The following USH2A variants were observed in gnomAD, a reference collection of about 807,000 sequenced individuals.
The protein encoded by USH2A is Usher syndrome 2A (autosomal recessive, mild).
Under a neutral mutation model 538.9 loss-of-function variants are expected in USH2A, and 443 were observed. The observed-to-expected ratio is 0.82, with a 90% CI of 0.76 to 0.89. The LOEUF (loss-of-function observed/expected upper bound fraction) is 0.89. USH2A is among the 40% of genes least tolerant of loss of function. The probability of loss-of-function intolerance (pLI) is 0.00; values close to 1 mark genes in which losing one functional copy is unlikely to be tolerated. For synonymous variants in USH2A, 2,413 were observed against 2,273.5 expected (o/e 1.06, Z -1.75); for missense variants, 6,633 against 6,324.8 (o/e 1.05, Z -1.65).
chr1:215,965,369 A>T lies in USH2A; in HGVS notation c.7068T>A (p.Asn2356Lys). 1 of 1,613,936 alleles carries T rather than the reference A, an allele frequency of 6.2e-7. No individual in the cohort carries two copies. The highest frequency in any genetic ancestry group is 1.1e-5 in the South Asian group (1 of 91,080). ...HVRWEAPFRP[N>K]GLLTHSVLFT... is the part of the protein sequence containing the mutation. Reference sequence around the variant, plus strand: ...AAAGGACTGAGTGTGTTAAGAGTCCATTAGGGCGAAAAGGTGCTTCCCACC... The same window carrying T: ...AAAGGACTGAGTGTGTTAAGAGTCCTTTAGGGCGAAAAGGTGCTTCCCACC... The change falls in exon 37 of 72, where the codon AAT becomes AAA. Residue 2356 changes from asparagine to lysine, a missense_variant. Physicochemically the swap from Asn to Lys is moderately conservative, Grantham distance 94. Transcript: ENST00000307340.
intron 20 of USH2A, among the ~76,000 whole-genome samples, chr1:216,185,545 A>T (rs2034581931): frequency 6.6e-6 from 1 of 151,902 alleles, no homozygotes; most frequent in Admixed American, 6.6e-5. Context: ...GTTTCCATTG[A>T]TGTCTGATAA....
intron 14 of USH2A, among the ~76,000 whole-genome samples, chr1:216,225,227 C>T (rs2035538545): frequency 6.6e-6 from 1 of 151,592 alleles, no homozygotes; most frequent in Non-Finnish European, 1.5e-5. Flanking sequence ...AACCAGAAGT[C>T]AAAAAAAGAT....
intron 70 of USH2A, among the ~76,000 whole-genome samples, chr1:215,630,498 A>G (rs1404141873): frequency 5.3e-5 from 6 of 112,228 alleles, no homozygotes; most frequent in African/African-American, 1.3e-4. Context: ...ATATATATAT[A>G]TATATATATA....
intron 58 of USH2A, among the ~76,000 whole-genome samples, chr1:215,756,534 A>G (rs901803634): frequency 2.6e-5 from 4 of 152,176 alleles, no homozygotes; most frequent in Non-Finnish European, 5.9e-5. Flanking sequence ...TTTCTTGTCA[A>G]TAGGCTAAAT....
intron 3 of USH2A, among the ~76,000 whole-genome samples, chr1:216,397,605 C>T (rs1180090034): frequency 6.6e-6 from 1 of 152,200 alleles, no homozygotes; most frequent in Non-Finnish European, 1.5e-5. Flanking sequence ...TCTTCCAGTG[C>T]AGAATGCCCT....
chr1:216,044,845 C>A (rs1284113189), intron 32 of USH2A, among the ~76,000 whole-genome samples: 1 of 152,034 alleles, frequency 6.6e-6, no homozygotes, highest in African/African-American at 2.4e-5. Context: ...AAAATAATAC[C>A]TATGTTGTAG....
chr1:216,234,924 G>A (rs1330897461), intron 13 of USH2A, among the ~76,000 whole-genome samples: 1 of 152,018 alleles, frequency 6.6e-6, no homozygotes, highest in Non-Finnish European at 1.5e-5. Flanking sequence ...AGTGAAGGTA[G>A]GGCTTCCAGG....
intron 14 of USH2A, among the ~76,000 whole-genome samples, chr1:216,221,002 GTTT>G (rs1309964088): frequency 6.6e-6 from 1 of 152,106 alleles, no homozygotes; most frequent in East Asian, 1.9e-4. Flanking sequence ...ATTCGGCAGA[GTTT>G]TTTTGTTTGT....
At chr1:215,743,412 G>GTATATA (rs1397687417) in intron 58 of USH2A, 77 bp from the exon 59 acceptor site, 2 of 434,020 alleles carry the variant, frequency 4.6e-6, no homozygotes, top group Non-Finnish European at 7.2e-6. Context: ...GTGTGTGTGT[G>GTATATA]TGTGTATATA....
intron 15 of USH2A, among the ~76,000 whole-genome samples, chr1:216,210,792 C>T (rs544009595): frequency 6.9e-4 from 105 of 152,076 alleles, no homozygotes; most frequent in African/African-American, 2.2e-3. Context: ...ACCATCCTGG[C>T]CAACATGGTG....
At chr1:215,762,595 G>A (rs1240803788) in intron 56 of USH2A, among the ~76,000 whole-genome samples, 1 of 152,120 alleles carries the variant, frequency 6.6e-6, no homozygotes, top group East Asian at 1.9e-4. Flanking sequence ...TACTTGGATG[G>A]TGATATGGGG....
chr1:216,120,443 G>A lies in USH2A; in HGVS notation c.4628-23230C>T, dbSNP rs1000426566. On this transcript the variant is annotated intron_variant, in intron 21 of 71. Coordinates refer to ENST00000307340, the MANE Select transcript of USH2A (RefSeq NM_206933.4). ...CACCCAGGCTGGAGTGCAATGGCGC[G>A]ATCTCAGCTCACTGCAAGCTCCGCC... Among the ~76,000 whole-genome samples the A allele has an allele frequency of 2.6e-5, 4 of 151,752 alleles. No individual in the cohort carries two copies. The South Asian group carries it at 8.3e-4, about 32-fold the overall frequency.
intron 41 of USH2A, among the ~76,000 whole-genome samples, chr1:215,879,469 T>C (rs1664855021): frequency 2.0e-5 from 3 of 152,220 alleles, no homozygotes; most frequent in Non-Finnish European, 2.9e-5. Context: ...GGTTTTCATG[T>C]TTATAACTCA....
rs988419427 is a variant in USH2A at position 216,246,983 on chromosome 1, G to A, written c.2411C>T (p.Pro804Leu). ...ACDCDTAGSL[P>L]GTVCNAKTGQ... ...TGTCTTAGCATTACAGACAGTCCCA[G>A]GGAGGGATCCAGCTGTGTCACAGTC... Residue 804 changes from proline (P) to leucine (L), a missense_variant, in exon 13 of 72, where the codon CCT becomes CTT. Transcript: ENST00000307340. 6.2e-6 allele frequency: 10 copies of A among 1,614,052 alleles called. No individual in the cohort carries two copies. The highest frequency in any genetic ancestry group is 8.5e-6 in the Non-Finnish European group (10 of 1,179,980).
intron 70 of USH2A, among the ~76,000 whole-genome samples, chr1:215,632,566 T>A (rs2102628981): frequency 6.6e-6 from 1 of 152,294 alleles, no homozygotes; most frequent in African/African-American, 2.4e-5. Flanking sequence ...CTTCTGGACA[T>A]TGCTGGTATG....
At chr1:216,270,313 T>C (rs939278115) in intron 11 of USH2A, among the ~76,000 whole-genome samples, 1 of 152,132 alleles carries the variant, frequency 6.6e-6, no homozygotes, top group Admixed American at 6.6e-5. Flanking sequence ...ACAGGAAATC[T>C]GTCCCGGAAA....
At chr1:216,044,971 G>T (rs1008842499) in intron 32 of USH2A, among the ~76,000 whole-genome samples, 9 of 152,122 alleles carry the variant, frequency 5.9e-5, no homozygotes, top group Admixed American at 2.6e-4. Context: ...ACCTGAGAAT[G>T]CAACTGGATG....
chr1:216,196,769 C>T, intron 18 of USH2A, 47 bp from the exon 19 acceptor site: 2 of 1,577,234 alleles, frequency 1.3e-6, no homozygotes, highest in Non-Finnish European at 1.7e-6. Context: ...TGAATGTCGT[C>T]CCTATATATT....
intron 21 of USH2A, among the ~76,000 whole-genome samples, chr1:216,173,721 C>T (rs1479949693): frequency 6.6e-6 from 1 of 152,080 alleles, no homozygotes; most frequent in African/African-American, 2.4e-5. Flanking sequence ...TTCACTGCAA[C>T]AACAGTAGGT....
Sources: gnomAD v4.1 joint callset for allele counts (sites outside exome capture counted in the v4.1 genomes callset) on GRCh38, gnomAD v4.1.1 for gene constraint, MANE v1.5 for transcripts, NCBI Gene and HGNC (gene_info 2026-07-23, HGNC 2026-07-21) for gene names.